The following PSMA8 variants were observed in gnomAD, a reference collection of about 807,000 sequenced individuals.
The protein encoded by PSMA8 is proteasome 20S subunit alpha 8.
Under a neutral mutation model 32.4 loss-of-function variants are expected in PSMA8, and 18 were observed. The ratio of observed to expected loss-of-function variants is 0.56; its 90% CI spans 0.38 to 0.82. The LOEUF is 0.82. Among genes scored for constraint, PSMA8 ranks in the 40% least tolerant of loss-of-function variants. PSMA8 has a pLI of 0.00. For synonymous variants in PSMA8, 104 were observed against 98.1 expected, an observed-to-expected ratio of 1.06 and a Z score of -0.36; for missense variants, 298 against 300.7, an observed-to-expected ratio of 0.99 and a Z score of 0.07.
chr18:26,149,978 T>C (rs2055032312), intron 2 of PSMA8, among the ~76,000 whole-genome samples: 1 of 152,212 alleles, frequency 6.6e-6, no homozygotes, highest in African/African-American at 2.4e-5. Flanking sequence ...ACATTATGAT[T>C]GTATCCTCAA....
At chr18:26,153,483 C>T (rs1003761845) in intron 3 of PSMA8, among the ~76,000 whole-genome samples, 2 of 152,172 alleles carry the variant, frequency 1.3e-5, no homozygotes, top group African/African-American at 4.8e-5. Context: ...CTTGAAGAAT[C>T]ATCAACATTA....
chr18:26,177,071 A>T (rs1022962465), intron 4 of PSMA8, among the ~76,000 whole-genome samples: 6 of 152,212 alleles, frequency 3.9e-5, no homozygotes, highest in Non-Finnish European at 7.3e-5. Context: ...GTGGCAGCAT[A>T]GTGTATCAAG....
chr18:26,173,618 A>C (rs1305167819), intron 4 of PSMA8, among the ~76,000 whole-genome samples: 1 of 149,992 alleles, frequency 6.7e-6, no homozygotes, highest in African/African-American at 2.5e-5. Flanking sequence ...GTGCAATGGC[A>C]CGATCTGGGC....
chr18:26,151,770 A>G (rs1302456559), intron 2 of PSMA8, 88 bp from the exon 3 acceptor site: 2 of 1,244,130 alleles, frequency 1.6e-6, no homozygotes, highest in East Asian at 2.5e-5. Context: ...GAAAGATTTC[A>G]TTGTGAATAA....
In PSMA8 at chr18:26,158,110, T is replaced by G. The variant is rs578088130; in HGVS notation, c.355-12T>G. 21 of 1,552,488 alleles carry G rather than the reference T, an allele frequency of 1.4e-5. No individual in the cohort carries two copies. In the African/African-American group the frequency reaches 2.6e-4, roughly 19 times the overall value. On this transcript the variant is annotated splice_polypyrimidine_tract_variant and intron_variant, in intron 3 of 6. Coordinates refer to ENST00000415576, the MANE Select transcript of PSMA8 (RefSeq NM_001025096.2). ...AATAGTTTTATTCTAAAAATACGTT[T>G]TATTTTTCTAGAAATATACCCAAAG...
At chr18:26,152,604 C>T (rs2055055724) in intron 3 of PSMA8, among the ~76,000 whole-genome samples, 1 of 152,108 alleles carries the variant, frequency 6.6e-6, no homozygotes. Context: ...GGATTATAGG[C>T]ATGAGCCACG....
chr18:26,180,695 G>GACACACACAC (rs45627236), intron 6 of PSMA8, among the ~76,000 whole-genome samples: 2,407 of 143,424 alleles, frequency 0.017, 68 homozygotes, highest in African/African-American at 0.058. Flanking sequence ...TATAAAAATA[G>GACACACACAC]ACACACACAC....
At chr18:26,162,690 C>G (rs186793721) in intron 4 of PSMA8, among the ~76,000 whole-genome samples, 192 of 152,016 alleles carry the variant, frequency 1.3e-3, no homozygotes, top group African/African-American at 4.2e-3. Flanking sequence ...ACGGTGAAAC[C>G]CCATCTCTAC....
rs367810883 is a variant in PSMA8 at position 26,133,927 on chromosome 18, A to C, written c.-39A>C. 6.5e-7 allele frequency: 1 copy of C among 1,546,136 alleles called. No homozygotes were observed. Among genetic ancestry groups the C allele is most frequent in the Admixed American group, 1.7e-5 (1 of 59,556 alleles). On this transcript the variant is annotated 5_prime_UTR_variant, in exon 1 of 7. Transcript: ENST00000415576. ...GCTCCCCGCTTGCCTCAGCTGCAGC[A>C]GCGGGAAGCTCGGTGGCAAGCCCTT... is the stretch of plus-strand genomic sequence containing the variant.
At chr18:26,156,339 C>T (rs980415023) in intron 3 of PSMA8, among the ~76,000 whole-genome samples, 1 of 152,134 alleles carries the variant, frequency 6.6e-6, no homozygotes, top group Non-Finnish European at 1.5e-5. Context: ...ATCAGTATAT[C>T]CAAGAGATGT....
chr18:26,159,250 G>C (rs766553350), intron 4 of PSMA8, among the ~76,000 whole-genome samples: 3 of 152,142 alleles, frequency 2.0e-5, no homozygotes, highest in African/African-American at 4.8e-5. Flanking sequence ...TGAAGAATTT[G>C]ATTTGCACTG....
intron 4 of PSMA8, among the ~76,000 whole-genome samples, chr18:26,170,296 T>C (rs1369465342): frequency 7.6e-6 from 1 of 131,792 alleles, no homozygotes; most frequent in Non-Finnish European, 1.5e-5. Flanking sequence ...AATTTTCCAC[T>C]GTTACAAACA....
At chr18:26,153,446 G>A (rs1376461957) in intron 3 of PSMA8, among the ~76,000 whole-genome samples, 1 of 152,082 alleles carries the variant, frequency 6.6e-6, no homozygotes, top group Non-Finnish European at 1.5e-5. Context: ...AATTTTTATT[G>A]TACAGCTAGC....
intron 6 of PSMA8, among the ~76,000 whole-genome samples, chr18:26,189,797 A>T (rs2055387026): frequency 6.6e-6 from 1 of 152,232 alleles, no homozygotes; most frequent in Non-Finnish European, 1.5e-5. Flanking sequence ...TACTGGGTGT[A>T]TACCCAAAAG....
At chr18:26,174,940 A>G (rs1598665105) in intron 4 of PSMA8, among the ~76,000 whole-genome samples, 1 of 152,076 alleles carries the variant, frequency 6.6e-6, no homozygotes, top group African/African-American at 2.4e-5. Flanking sequence ...TCCTTTCTCT[A>G]CTCTGATGTT....
At chr18:26,191,958 A>C (rs2055406930) in intron 6 of PSMA8, among the ~76,000 whole-genome samples, 2 of 152,242 alleles carry the variant, frequency 1.3e-5, no homozygotes, top group South Asian at 4.1e-4. Context: ...CTATCAGAGA[A>C]TCACACAGTA....
Position 26,158,147 on chromosome 18 carries a change from G to C in PSMA8, c.380G>C (p.Arg127Thr). Residue 127 changes from arginine to threonine, a missense_variant, in exon 4 of 7, where the codon AGA becomes ACA. By Grantham distance (71) the Arg-to-Thr change is moderately conservative. Transcript: ENST00000415576. ...KQKYTQSNGRRPFGISALIVG... is the reference protein window; with the variant it reads ...KQKYTQSNGRTPFGISALIVG... ...AAATATACCCAAAGCAATGGACGAA[G>C]ACCTTTTGGTATTTCTGCCTTAATT... 1 of 1,599,060 alleles carries C rather than the reference G, an allele frequency of 6.3e-7. No homozygotes were observed. Among genetic ancestry groups the C allele is most frequent in the Non-Finnish European group, 8.6e-7 (1 of 1,167,622 alleles).
chr18:26,157,419 C>A (rs112008041), intron 3 of PSMA8, among the ~76,000 whole-genome samples: 2,051 of 151,706 alleles, frequency 0.014, 23 homozygotes, highest in Non-Finnish European at 0.018. Context: ...TAGTCCTTAG[C>A]TTTCTGTCAG....
intron 1 of PSMA8, among the ~76,000 whole-genome samples, chr18:26,139,750 A>T (rs1177492546): frequency 6.6e-6 from 1 of 152,196 alleles, no homozygotes; most frequent in Non-Finnish European, 1.5e-5. Context: ...CTGAGAGAAG[A>T]GGGATAGAAA....
Sources: gnomAD v4.1 joint callset for allele counts (sites outside exome capture counted in the v4.1 genomes callset) on GRCh38, gnomAD v4.1.1 for gene constraint, MANE v1.5 for transcripts, NCBI Gene and HGNC (gene_info 2026-07-23, HGNC 2026-07-21) for gene names.